Variants in PTK2 observed in about 807,000 individuals in gnomAD.
The protein encoded by PTK2 is protein tyrosine kinase 2, also known as focal adhesion kinase 1.
Under a neutral mutation model 150.1 loss-of-function variants are expected in PTK2, and 45 were observed. That is an observed-to-expected ratio of 0.30 (90% CI 0.24 to 0.38). PTK2 has a LOEUF of 0.38. Among genes scored for constraint, PTK2 ranks in the 10% least tolerant of loss-of-function variants. The pLI is 1.00. For synonymous variants in PTK2, 432 were observed against 449.2 expected (o/e 0.96, Z 0.48); for missense variants, 919 against 1,307.3 (o/e 0.70, Z 4.58).
intron 26 of PTK2, among the ~76,000 whole-genome samples, chr8:140,698,924 A>AT (rs10713722): frequency 0.43 from 41,583 of 96,280 alleles, 9,532 homozygotes; most frequent in Non-Finnish European, 0.55. Flanking sequence ...TAATTTTTGT[A>AT]TTTTTTTTTT....
chr8:140,892,979 A>G (rs1390411690), intron 2 of PTK2, among the ~76,000 whole-genome samples: 1 of 152,246 alleles, frequency 6.6e-6, no homozygotes, highest in Non-Finnish European at 1.5e-5. Context: ...ACATGAACCA[A>G]CCATTCCATT....
intron 22 of PTK2, 99 bp downstream of exon 25, chr8:140,735,152 G>T: frequency 8.7e-7 from 1 of 1,154,548 alleles, no homozygotes; most frequent in Non-Finnish European, 1.3e-6. Flanking sequence ...TTCGGCCTTA[G>T]ACATACTGAT....
chr8:140,789,584 C>T (rs377517846), intron 13 of PTK2, 58 bp from the exon 14 acceptor site: 68 of 1,555,500 alleles, frequency 4.4e-5, no homozygotes, highest in Non-Finnish European at 5.5e-5. Flanking sequence ...CCCCGCAACT[C>T]GGCCTCATCA....
chr8:140,848,370 T>C (rs1160017559), intron 5 of PTK2, among the ~76,000 whole-genome samples: 2 of 152,264 alleles, frequency 1.3e-5, no homozygotes, highest in African/African-American at 4.8e-5. Context: ...ATTACTGATC[T>C]AAGGACTATT....
intron 22 of PTK2, among the ~76,000 whole-genome samples, chr8:140,726,908 T>A (rs964536680): frequency 6.6e-6 from 1 of 152,214 alleles, no homozygotes; most frequent in Non-Finnish European, 1.5e-5. Flanking sequence ...CATATGTGAA[T>A]GTAACATACA....
intron 14 of PTK2, among the ~76,000 whole-genome samples, chr8:140,772,725 C>CA (rs1468776711): frequency 2.3e-4 from 35 of 152,044 alleles, no homozygotes; most frequent in African/African-American, 8.4e-4. Context: ...ACAACAACAA[C>CA]AAAAAACCCA....
At chr8:140,762,074 T>C (rs983680944) in intron 15 of PTK2, among the ~76,000 whole-genome samples, 4 of 152,166 alleles carry the variant, frequency 2.6e-5, no homozygotes, top group African/African-American at 7.2e-5. Flanking sequence ...CCATAGGTTA[T>C]TGCATATATA....
intron 1 of PTK2, among the ~76,000 whole-genome samples, chr8:140,937,269 T>C (rs1243549652): frequency 2.0e-5 from 3 of 152,224 alleles, no homozygotes; most frequent in Non-Finnish European, 2.9e-5. Context: ...ATAATCGTTA[T>C]TGCATACTTT....
intron 4 of PTK2, 59 bp from the exon 5 acceptor site, chr8:140,864,458 C>T: frequency 1.0e-6 from 1 of 999,054 alleles, no homozygotes; most frequent in African/African-American, 1.6e-5. Flanking sequence ...AATTTACAGT[C>T]TACAATTATA....
chr8:140,971,361 A>G (rs903830389), intron 1 of PTK2, among the ~76,000 whole-genome samples: 1 of 152,258 alleles, frequency 6.6e-6, no homozygotes, highest in African/African-American at 2.4e-5. Flanking sequence ...AGTGAACTTC[A>G]TTAGCTCTTG....
exon 16 of PTK2, chr8:140,761,236 T>C (rs1313094981): frequency 6.2e-7 from 1 of 1,612,652 alleles, no homozygotes; most frequent in Non-Finnish European, 8.5e-7. Flanking sequence ...AGTTCTATTC[T>C]TTCTCTTTGA....
chr8:140,881,050 G>C (rs1234639783), intron 3 of PTK2, among the ~76,000 whole-genome samples: 2 of 152,184 alleles, frequency 1.3e-5, no homozygotes, highest in African/African-American at 4.8e-5. Context: ...GGCTGGAAGA[G>C]TCAAAGACAG....
intron 21 of PTK2, among the ~76,000 whole-genome samples, chr8:140,737,129 A>T (rs2100053029): frequency 6.6e-6 from 1 of 152,146 alleles, no homozygotes; most frequent in African/African-American, 2.4e-5. Context: ...ACTTCTTAGA[A>T]ATTTTACAAA....
At chr8:140,986,503 C>A (rs958175361) in intron 1 of PTK2, among the ~76,000 whole-genome samples, 1 of 152,158 alleles carries the variant, frequency 6.6e-6, no homozygotes, top group Non-Finnish European at 1.5e-5. Context: ...GAGATAAGCA[C>A]AGAAACTACC....
intron 30 of PTK2, among the ~76,000 whole-genome samples, chr8:140,665,686 A>G (rs2090452004): frequency 6.6e-6 from 1 of 152,260 alleles, no homozygotes; most frequent in Non-Finnish European, 1.5e-5. Flanking sequence ...TAATATGAAT[A>G]AAACCAGTAA....
chr8:140,953,430 T>C (rs1280122471), intron 1 of PTK2, among the ~76,000 whole-genome samples: 1 of 152,158 alleles, frequency 6.6e-6, no homozygotes, highest in East Asian at 1.9e-4. Flanking sequence ...GCACTGTCAT[T>C]CCTTGACAGC....
At chr8:140,841,599 T>A (rs933416159) in intron 7 of PTK2, among the ~76,000 whole-genome samples, 1 of 151,966 alleles carries the variant, frequency 6.6e-6, no homozygotes, top group African/African-American at 2.4e-5. Context: ...TTTTACTACA[T>A]TAAAGAAAGA....
At chr8:140,969,922 C>G (rs1482102598) in intron 1 of PTK2, among the ~76,000 whole-genome samples, 1 of 152,164 alleles carries the variant, frequency 6.6e-6, no homozygotes, top group East Asian at 1.9e-4. Flanking sequence ...GGGTTAGAGT[C>G]AACTAATAAG....
chr8:140,746,885 ATTCT>A (rs767475759), intron 17 of PTK2, 25 bp from the exon 21 acceptor site: 23 of 1,162,412 alleles, frequency 2.0e-5, no homozygotes, highest in Middle Eastern at 2.8e-4. Flanking sequence ...CTCCATAGTT[ATTCT>A]TTCTTTTTTT....
Sources: allele counts gnomAD v4.1 joint callset (sites outside exome capture counted in the v4.1 genomes callset), GRCh38; gene constraint gnomAD v4.1.1; transcripts MANE v1.5; gene names NCBI Gene and HGNC (gene_info 2026-07-23, HGNC 2026-07-21).